The following RNF130 variants were observed in gnomAD, a reference collection of about 807,000 sequenced individuals.
RNF130 encodes the protein E3 ubiquitin-protein ligase RNF130.
A neutral mutation model predicts 44.6 loss-of-function variants in RNF130; 21 were observed. The ratio of observed to expected loss-of-function variants is 0.47; its 90% CI spans 0.33 to 0.68. The LOEUF (loss-of-function observed/expected upper bound fraction) is 0.68, where lower values mean the gene tolerates loss of function less well. Among genes scored for constraint, RNF130 ranks in the 30% least tolerant of loss-of-function variants. The pLI, the probability that RNF130 is intolerant of heterozygous loss-of-function variation, is 0.02. For synonymous variants in RNF130, 214 were observed against 210.4 expected (o/e 1.02, Z -0.15); for missense variants, 479 against 560.6 (o/e 0.85, Z 1.47).
chr5:180,001,574 A>G (rs1490532460), intron 3 of RNF130, among the ~76,000 whole-genome samples: 2 of 152,188 alleles, frequency 1.3e-5, no homozygotes, highest in Non-Finnish European at 1.5e-5. Context: ...AGTTTGGGTC[A>G]AGGGTCTGGC....
intron 8 of RNF130, among the ~76,000 whole-genome samples, chr5:179,962,060 A>G (rs191488706): frequency 5.0e-4 from 76 of 152,332 alleles, no homozygotes; most frequent in Non-Finnish European, 7.9e-4. Flanking sequence ...CAACTGAAAA[A>G]CGGAGGAGCT....
chr5:180,046,653 T>G (rs1489009660), intron 1 of RNF130, among the ~76,000 whole-genome samples: 1 of 152,136 alleles, frequency 6.6e-6, no homozygotes, highest in Non-Finnish European at 1.5e-5. Flanking sequence ...AGCCTGTGTG[T>G]GTCACTTCAT....
At chr5:180,010,179 G>A (rs563802896) in intron 3 of RNF130, among the ~76,000 whole-genome samples, 38 of 149,044 alleles carry the variant, frequency 2.5e-4, no homozygotes, top group Non-Finnish European at 4.3e-4. Context: ...CCTGGGAGGC[G>A]GAGCTTGCAG....
At chr5:179,994,617 G>A (rs769518120) in intron 3 of RNF130, among the ~76,000 whole-genome samples, 46 of 152,194 alleles carry the variant, frequency 3.0e-4, no homozygotes, top group Non-Finnish European at 5.6e-4. Context: ...CAGCCTTAGT[G>A]TGGTGGCTTT....
chr5:179,966,025 T>C (rs1186629998), intron 7 of RNF130, among the ~76,000 whole-genome samples: 1 of 151,636 alleles, frequency 6.6e-6, no homozygotes, highest in African/African-American at 2.4e-5. Flanking sequence ...GGAAGATGGG[T>C]GAAAGGTTGT....
At chr5:180,008,122 G>A (rs1042622448) in intron 3 of RNF130, among the ~76,000 whole-genome samples, 1 of 150,838 alleles carries the variant, frequency 6.6e-6, no homozygotes, top group East Asian at 2.0e-4. Context: ...ATAGATTCCT[G>A]ACAATGTGCT....
At chr5:179,953,275 A>G (rs1020440401), downstream of RNF130, among the ~76,000 whole-genome samples, 1 of 152,112 alleles carries the variant, frequency 6.6e-6, no homozygotes, top group Non-Finnish European at 1.5e-5. Context: ...AATGATCTAC[A>G]TATGCAGTGC....
At chr5:179,982,072 C>A (rs964782072) in intron 3 of RNF130, among the ~76,000 whole-genome samples, 1 of 152,060 alleles carries the variant, frequency 6.6e-6, no homozygotes, top group African/African-American at 2.4e-5. Context: ...CTCCCGCCAC[C>A]CCATCCCTCC....
chr5:179,957,257 C>T (rs1762231993), intron 8 of RNF130, among the ~76,000 whole-genome samples: 1 of 151,984 alleles, frequency 6.6e-6, no homozygotes, highest in Non-Finnish European at 1.5e-5. Flanking sequence ...ACTAAAAATG[C>T]AAAAATTAGC....
chr5:179,975,757 T>C (rs1449789943), intron 5 of RNF130, among the ~76,000 whole-genome samples: 4 of 152,034 alleles, frequency 2.6e-5, no homozygotes, highest in Non-Finnish European at 4.4e-5. Context: ...AACAGTACCA[T>C]AGAGGGTGCA....
intron 3 of RNF130, among the ~76,000 whole-genome samples, chr5:179,987,336 T>C (rs957142093): frequency 6.6e-6 from 1 of 152,110 alleles, no homozygotes; most frequent in Admixed American, 6.5e-5. Context: ...CCTGGCTAAT[T>C]TCTATATTTC....
At chr5:180,017,508 T>C (rs1349584250) in intron 2 of RNF130, among the ~76,000 whole-genome samples, 6 of 152,228 alleles carry the variant, frequency 3.9e-5, no homozygotes, top group African/African-American at 1.4e-4. Context: ...CCTGAATCTG[T>C]TACGACAATG....
chr5:180,036,838 C>G (rs530041263), intron 2 of RNF130, among the ~76,000 whole-genome samples: 2 of 54,904 alleles, frequency 3.6e-5, no homozygotes, highest in Non-Finnish European at 7.8e-5. Flanking sequence ...TACCCCCACA[C>G]TCAGCTTAAG....
In RNF130 at chr5:180,018,167, C is replaced by T. The variant is rs546506433; in HGVS notation, c.443-4856G>A. On this transcript the variant is annotated intron_variant, in intron 2 of 8. Coordinates refer to ENST00000521389, the MANE Select transcript of RNF130 (RefSeq NM_018434.6). ...AAAATTAGCTGGGTGTGGTGGCAGG[C>T]GCCTGTAATCCCAGCTACTCGGGAG... 7.4e-4 allele frequency among the ~76,000 whole-genome samples: 112 copies of T among 151,892 alleles called. 1 individual carries two copies. The highest frequency in any genetic ancestry group is 2.4e-3 in the African/African-American group (99 of 41,394).
chr5:180,066,873 A>G (rs1203843031), intron 1 of RNF130, among the ~76,000 whole-genome samples: 1 of 152,064 alleles, frequency 6.6e-6, no homozygotes, highest in Non-Finnish European at 1.5e-5. Context: ...AAAAATAAAA[A>G]AATTAGCCAG....
chr5:179,928,729 T>C (rs1026112028), intron 7 of RNF130, among the ~76,000 whole-genome samples: 27 of 151,674 alleles, frequency 1.8e-4, no homozygotes, highest in African/African-American at 4.8e-4. Context: ...CCTGGGTTCA[T>C]GCCATTCTCC....
intron 6 of RNF130, 99 bp downstream of exon 6, chr5:179,970,311 G>A (rs1762551778): frequency 1.2e-6 from 1 of 856,938 alleles, no homozygotes; most frequent in Middle Eastern, 2.4e-4. Flanking sequence ...TTTCTTCTGT[G>A]TCTTAGTCAT....
intron 1 of RNF130, among the ~76,000 whole-genome samples, chr5:180,061,281 C>G (rs1355005492): frequency 6.6e-6 from 1 of 152,050 alleles, no homozygotes; most frequent in Non-Finnish European, 1.5e-5. Flanking sequence ...GAAAAAACCA[C>G]AACAACTGAC....
At chr5:179,933,856 T>C in intron 7 of RNF130, 1 of 794,230 alleles carries the variant, frequency 1.3e-6, no homozygotes, top group African/African-American at 1.7e-5. Flanking sequence ...GTCTTGCTTC[T>C]TCATGGTCCA....
Sources: gnomAD v4.1 joint callset for allele counts (sites outside exome capture counted in the v4.1 genomes callset) on GRCh38, gnomAD v4.1.1 for gene constraint, MANE v1.5 for transcripts, NCBI Gene and HGNC (gene_info 2026-07-23, HGNC 2026-07-21) for gene names.